CLYBL: variants seen among roughly 807,000 people sequenced by gnomAD.
The protein encoded by CLYBL is citramalyl-CoA lyase.
A neutral mutation model predicts 38.9 loss-of-function variants in CLYBL; 31 were observed. The observed-to-expected ratio is 0.80, with a 90% CI of 0.60 to 1.08. The LOEUF (loss-of-function observed/expected upper bound fraction) is 1.08. Among genes scored for constraint, CLYBL ranks in the 50% least tolerant of loss-of-function variants. The pLI, the probability that CLYBL is intolerant of heterozygous loss-of-function variation, is 0.00. For synonymous variants in CLYBL, 171 were observed against 158.6 expected, an observed-to-expected ratio of 1.08 and a Z score of -0.59; for missense variants, 434 against 411.6, an observed-to-expected ratio of 1.05 and a Z score of -0.47.
chr13:99,609,748 A>G (rs1424835781), intron 1 of CLYBL, among the ~76,000 whole-genome samples: 1 of 152,006 alleles, frequency 6.6e-6, no homozygotes, highest in Non-Finnish European at 1.5e-5. Context: ...CATGTTGCTC[A>G]GGCTGGTCTC....
rs182727191 is a variant in CLYBL, at chr13:99,779,391, C to T, written c.249+6381C>T. The stretch of plus-strand genomic sequence containing the variant: ...CTCCTGACCTCAGGTGATCCTGCCT[C>T]GGCCTCCCAAAGTGCAGGGATTACA... On this transcript the variant is annotated intron_variant, in intron 2 of 8. Transcript: ENST00000339105. Among the ~76,000 whole-genome samples, 721 of 152,254 alleles carry T rather than the reference C, an allele frequency of 4.7e-3. 3 individuals carry two copies. Among genetic ancestry groups the T allele is most frequent in the Non-Finnish European group, 7.7e-3 (525 of 68,018 alleles).
At chr13:99,629,316 T>C (rs1307003704) in intron 1 of CLYBL, among the ~76,000 whole-genome samples, 1 of 152,230 alleles carries the variant, frequency 6.6e-6, no homozygotes. Flanking sequence ...CAAGAACCCA[T>C]TCTGTAGACA....
intron 1 of CLYBL, among the ~76,000 whole-genome samples, chr13:99,747,841 G>C (rs1213834781): frequency 6.6e-6 from 1 of 152,180 alleles, no homozygotes; most frequent in African/African-American, 2.4e-5. Context: ...TTGAATGTGT[G>C]TTTTATCCTG....
At chr13:99,748,318 T>G (rs897266480) in intron 1 of CLYBL, among the ~76,000 whole-genome samples, 4 of 151,574 alleles carry the variant, frequency 2.6e-5, no homozygotes, top group Non-Finnish European at 5.9e-5. Flanking sequence ...AGGCAGAGGT[T>G]GCAGTGAGCC....
intron 2 of CLYBL, among the ~76,000 whole-genome samples, chr13:99,843,798 C>T (rs571508170): frequency 1.3e-4 from 20 of 152,190 alleles, no homozygotes; most frequent in South Asian, 8.3e-4. Flanking sequence ...GATGGGGTTT[C>T]GCCCTCTTGG....
intron 2 of CLYBL, among the ~76,000 whole-genome samples, chr13:99,773,938 C>T (rs1164258962): frequency 2.6e-5 from 4 of 151,974 alleles, no homozygotes; most frequent in Non-Finnish European, 5.9e-5. Flanking sequence ...TAGAAAATAT[C>T]CAACTTGTAG....
intron 4 of CLYBL, among the ~76,000 whole-genome samples, chr13:99,863,949 G>A (rs957502143): frequency 2.6e-5 from 4 of 152,196 alleles, no homozygotes; most frequent in Non-Finnish European, 5.9e-5. Flanking sequence ...TGCAGAAGGG[G>A]TCGAGTGCAA....
chr13:99,862,599 C>CA (rs1010370463), intron 3 of CLYBL, among the ~76,000 whole-genome samples: 1 of 152,156 alleles, frequency 6.6e-6, no homozygotes, highest in African/African-American at 2.4e-5. Context: ...GGGCACGAAA[C>CA]AAAAACAGAA....
downstream of CLYBL, chr13:99,895,973 G>C (rs2052571306): frequency 1.3e-5 from 2 of 151,890 alleles, no homozygotes; most frequent in Non-Finnish European, 2.9e-5. Flanking sequence ...CGACGGAAGG[G>C]CACCGCGAGC....
chr13:99,835,287 AAG>A (rs1430917050), intron 2 of CLYBL, among the ~76,000 whole-genome samples: 2 of 152,190 alleles, frequency 1.3e-5, no homozygotes, highest in South Asian at 2.1e-4. Context: ...ACAGCACAGA[AAG>A]AGGTAGCCGG....
At chr13:99,905,331 T>C (rs1395240567) in exon 9 of CLYBL, among the ~76,000 whole-genome samples, 1 of 152,238 alleles carries the variant, frequency 6.6e-6, no homozygotes, top group Non-Finnish European at 1.5e-5. Context: ...AGTTCATACA[T>C]GGCGACCTGT....
chr13:99,771,258 G>T (rs1363333055), intron 1 of CLYBL, among the ~76,000 whole-genome samples: 1 of 152,054 alleles, frequency 6.6e-6, no homozygotes, highest in African/African-American at 2.4e-5. Context: ...ATGTTGCCCA[G>T]GCTGATCTCA....
downstream of CLYBL, chr13:99,896,958 C>G (rs1333974707): frequency 1.3e-5 from 2 of 152,146 alleles, no homozygotes; most frequent in Non-Finnish European, 2.9e-5. Context: ...AGGACTTATT[C>G]CAGATGAACT....
intron 1 of CLYBL, among the ~76,000 whole-genome samples, chr13:99,718,157 G>T (rs112888629): frequency 0.015 from 2,321 of 152,162 alleles, 63 homozygotes; most frequent in African/African-American, 0.053. Flanking sequence ...GAAACTATAG[G>T]CATTAGCTAC....
At chr13:99,664,963 A>G (rs990648123) in intron 1 of CLYBL, among the ~76,000 whole-genome samples, 3 of 152,092 alleles carry the variant, frequency 2.0e-5, no homozygotes, top group Admixed American at 1.3e-4. Flanking sequence ...TCTTCCTTTT[A>G]ATTTTTAAGA....
intron 7 of CLYBL, among the ~76,000 whole-genome samples, chr13:99,883,335 A>G (rs1056501764): frequency 2.0e-5 from 3 of 152,076 alleles, no homozygotes; most frequent in Non-Finnish European, 2.9e-5. Flanking sequence ...CCTGGCCAAC[A>G]TGGTGAAACC....
chr13:99,827,239 TGTTCC>T (rs1425636605), intron 2 of CLYBL, among the ~76,000 whole-genome samples: 5 of 152,138 alleles, frequency 3.3e-5, no homozygotes, highest in Admixed American at 3.3e-4. Flanking sequence ...TCCGTGACTG[TGTTCC>T]GTATACACAT....
At chr13:99,664,488 A>G (rs1168695299) in intron 1 of CLYBL, among the ~76,000 whole-genome samples, 1 of 152,200 alleles carries the variant, frequency 6.6e-6, no homozygotes, top group African/African-American at 2.4e-5. Context: ...CTCTATAAAA[A>G]TATTAAATTG....
intron 1 of CLYBL, among the ~76,000 whole-genome samples, chr13:99,737,704 G>A (rs1429886379): frequency 6.6e-6 from 1 of 152,158 alleles, no homozygotes; most frequent in Non-Finnish European, 1.5e-5. Flanking sequence ...ACTGTCAAGA[G>A]TTAGGAATTG....
Sources: allele counts gnomAD v4.1 joint callset (sites outside exome capture counted in the v4.1 genomes callset), GRCh38; gene constraint gnomAD v4.1.1; transcripts MANE v1.5; gene names NCBI Gene and HGNC (gene_info 2026-07-23, HGNC 2026-07-21).